UGT2A2: variants seen among roughly 807,000 people sequenced by gnomAD.
The protein encoded by UGT2A2 is UDP glucuronosyltransferase family 2 member A2, also known as UDP-glucuronosyltransferase 2A2.
A neutral mutation model predicts 50.7 loss-of-function variants in UGT2A2; 60 were observed. The observed-to-expected ratio is 1.18, with a 90% CI of 0.96 to 1.47. The LOEUF is 1.47. Among genes scored for constraint, UGT2A2 ranks in the 40% most tolerant of loss-of-function variants. The pLI, the probability that UGT2A2 is intolerant of heterozygous loss-of-function variation, is 0.00. For missense variants in UGT2A2, 762 were observed against 634.0 expected (o/e 1.20, Z -2.17); for synonymous variants, 242 against 214.6 (o/e 1.13, Z -1.11).
At chr4:69,626,362 A>AT (rs1406545789) in intron 1 of UGT2A2, among the ~76,000 whole-genome samples, 2 of 151,646 alleles carry the variant, frequency 1.3e-5, no homozygotes, top group African/African-American at 4.8e-5. Flanking sequence ...CAAAAAAAAA[A>AT]CTATATACAT....
chr4:69,595,205 G>A lies in UGT2A2; in HGVS notation c.1068C>T (p.Asn356=), dbSNP rs541627076. 55 of 1,613,668 alleles carry A rather than the reference G, an allele frequency of 3.4e-5. No individual in the cohort carries two copies. In the Admixed American group the frequency reaches 9.0e-4, roughly 26 times the overall value. The change falls in exon 4 of 6, where the codon AAC becomes AAT. Residue 356 remains asparagine (N), a synonymous_variant. Transcript: ENST00000604629. ...YKGKKPATLG[N]NTQLFDWIPQ... Reference sequence around the variant, plus strand: ...GTATCCAATCAAAGAGCTGAGTATTGTTTCCTAATGTGGCTGGTTTCTTTC... The same window carrying A: ...GTATCCAATCAAAGAGCTGAGTATTATTTCCTAATGTGGCTGGTTTCTTTC...
intron 1 of UGT2A2, among the ~76,000 whole-genome samples, chr4:69,631,270 A>G (rs1021095318): frequency 6.6e-6 from 1 of 151,916 alleles, no homozygotes; most frequent in African/African-American, 2.4e-5. Context: ...CTATCTTCCC[A>G]TATTTTTTCA....
chr4:69,629,334 C>CA (rs921668542), intron 1 of UGT2A2, among the ~76,000 whole-genome samples: 25 of 152,034 alleles, frequency 1.6e-4, no homozygotes, highest in African/African-American at 6.0e-4. Context: ...TGTACATTCC[C>CA]AAAAAAGACT....
rs761341330 is a variant in UGT2A2 at position 69,606,286 on chromosome 4, C to T, written c.743-6892G>A. ...GGGTCAACATACGCAAATCAACAAA[C>T]GTAATCCAGCATATAAACAGAACCA... On this transcript the variant is annotated intron_variant, in intron 1 of 5. Transcript: ENST00000604629. Among the ~76,000 whole-genome samples the T allele has an allele frequency of 2.9e-5, 4 of 136,244 alleles. 1 individual carries two copies. The highest frequency in any genetic ancestry group is 8.9e-5 in the African/African-American group (3 of 33,532). 89.4% of individuals were successfully genotyped at this position (136,244 alleles called of 152,430 possible).
At chr4:69,618,707 T>C (rs748765395) in intron 1 of UGT2A2, among the ~76,000 whole-genome samples, 12 of 152,104 alleles carry the variant, frequency 7.9e-5, no homozygotes, top group Non-Finnish European at 1.2e-4. Flanking sequence ...AATTCTAAGT[T>C]CAATCAATTC....
chr4:69,590,442 G>A (rs553178834), intron 5 of UGT2A2, among the ~76,000 whole-genome samples: 1 of 152,256 alleles, frequency 6.6e-6, no homozygotes, highest in South Asian at 2.1e-4. Flanking sequence ...AAAATTAGTA[G>A]GTTTCATTTT....
intron 1 of UGT2A2, among the ~76,000 whole-genome samples, chr4:69,600,660 C>G (rs746222392): frequency 8.6e-5 from 13 of 152,038 alleles, no homozygotes; most frequent in Non-Finnish European, 1.5e-4. Context: ...CTTATGGTCC[C>G]ATAGGCTGTA....
At chr4:69,601,567 A>G (rs1355589403) in intron 1 of UGT2A2, among the ~76,000 whole-genome samples, 2 of 152,142 alleles carry the variant, frequency 1.3e-5, no homozygotes, top group Admixed American at 6.6e-5. Context: ...GACCTCAGCT[A>G]TCACTATTAC....
Position 69,596,342 on chromosome 4 carries a change from C to T in UGT2A2, c.931G>A (p.Val311Ile). The T allele has an allele frequency of 2.5e-6, 4 of 1,605,734 alleles. No individual in the cohort carries two copies. Among genetic ancestry groups the T allele is most frequent in the Non-Finnish European group, 3.4e-6 (4 of 1,175,146 alleles). Residue 311 changes from valine (V) to isoleucine (I), a missense_variant, in exon 3 of 6, where the codon GTT (valine) becomes ATT (isoleucine). Transcript: ENST00000604629. ...ATTGATCCCAGAGAAAACACCACAA[C>T]ACCATTTTTACCTGAGCTCTGGATA... ...EFIQSSGKNG[V>I]VVFSLGSMVK...
At chr4:69,595,032 A>G (rs1372593326) in intron 4 of UGT2A2, 130 bp downstream of exon 4, 3 of 1,300,326 alleles carry the variant, frequency 2.3e-6, no homozygotes, top group Non-Finnish European at 2.1e-6. Context: ...ATGTAATTAT[A>G]TCTGCTTTAA....
intron 1 of UGT2A2, among the ~76,000 whole-genome samples, chr4:69,628,420 A>G (rs1721209920): frequency 2.0e-5 from 3 of 151,824 alleles, no homozygotes; most frequent in African/African-American, 7.3e-5. Flanking sequence ...AAGGGAACAA[A>G]ATGGAGAGTC....
chr4:69,633,972 G>A (rs1260750584), intron 1 of UGT2A2, among the ~76,000 whole-genome samples: 1 of 152,092 alleles, frequency 6.6e-6, no homozygotes, highest in Non-Finnish European at 1.5e-5. Flanking sequence ...CCGGCCGCGC[G>A]CGGTGGCTCA....
chr4:69,605,453 C>A (rs1170564307), intron 1 of UGT2A2, among the ~76,000 whole-genome samples: 1 of 136,568 alleles, frequency 7.3e-6, no homozygotes, highest in Non-Finnish European at 1.6e-5. Flanking sequence ...GCACTAAATG[C>A]CCACAGAACA....
chr4:69,633,661 A>G (rs1255579129), intron 1 of UGT2A2, among the ~76,000 whole-genome samples: 2 of 152,230 alleles, frequency 1.3e-5, no homozygotes, highest in Admixed American at 1.3e-4. Context: ...ACGAATTTCA[A>G]AAACATAATA....
In UGT2A2 at chr4:69,639,473, A is replaced by T; in HGVS notation, c.168T>A (p.Asn56Lys). ...ATGAAGCCAGTACAGTCACATTGTGATTTCTTTGAATCAACTCTTCTAGAA... is the reference window on the plus strand; with the variant it reads ...ATGAAGCCAGTACAGTCACATTGTGTTTTCTTTGAATCAACTCTTCTAGAA... ...KIILEELIQR[N>K]HNVTVLASSA... Residue 56 changes from asparagine (N) to lysine (K), a missense_variant, in exon 1 of 6, where the codon AAT becomes AAA. Asn to Lys is a moderately conservative substitution (Grantham distance 94, BLOSUM62 0). Transcript: ENST00000604629. 4 of 1,613,080 alleles carry T rather than the reference A, an allele frequency of 2.5e-6. No homozygotes were observed. Among genetic ancestry groups the T allele is most frequent in the Non-Finnish European group, 3.4e-6 (4 of 1,179,534 alleles).
intron 2 of UGT2A2, among the ~76,000 whole-genome samples, chr4:69,596,972 C>A (rs1718968136): frequency 1.3e-5 from 2 of 152,184 alleles, no homozygotes; most frequent in Admixed American, 1.3e-4. Context: ...GAAATTGTTA[C>A]CCCCAAGGCT....
At position 69,594,711 on chromosome 4, in the gene UGT2A2, G is replaced by A. The variant is rs1257981705; in HGVS notation, c.1112-15C>T. The A allele has an allele frequency of 6.2e-7, 1 of 1,608,252 alleles. No individual in the cohort carries two copies. Among genetic ancestry groups the A allele is most frequent in the Non-Finnish European group, 8.5e-7 (1 of 1,176,694 alleles). On this transcript the variant is annotated splice_polypyrimidine_tract_variant and intron_variant, in intron 4 of 5. Coordinates refer to ENST00000604629, the MANE Select transcript of UGT2A2 (RefSeq NM_001105677.2). ...TTTGGGATGTCCTAATTTGAGGATGGAGTGAGAAGTGGGTGTGTAATAATA... is the reference window on the plus strand; with the variant it reads ...TTTGGGATGTCCTAATTTGAGGATGAAGTGAGAAGTGGGTGTGTAATAATA...
chr4:69,594,498 C>G lies in UGT2A2; in HGVS notation c.1310G>C (p.Arg437Thr). 2 of 1,614,122 alleles carry G rather than the reference C, an allele frequency of 1.2e-6. No individual in the cohort carries two copies. The highest frequency in any genetic ancestry group is 1.7e-6 in the Non-Finnish European group (2 of 1,180,016). ...TTACGAAGGTTCATTAATGACTGTT[C>G]TCAAAGCGCTAAGCAAATCCACACT... ...MTSVDLLSAL[R>T]TVINEPSYKE... Residue 437 changes from arginine to threonine, a missense_variant, in exon 5 of 6, where the codon AGA (arginine) becomes ACA (threonine). Arg to Thr is a moderately conservative substitution (Grantham distance 71, BLOSUM62 -1). Coordinates refer to ENST00000604629, the MANE Select transcript of UGT2A2 (RefSeq NM_001105677.2).
At chr4:69,620,038 G>C (rs980769372) in intron 1 of UGT2A2, among the ~76,000 whole-genome samples, 11 of 151,962 alleles carry the variant, frequency 7.2e-5, no homozygotes, top group African/African-American at 2.7e-4. Context: ...ATACTGAATG[G>C]GGAAAAGCTG....
Sources: allele counts gnomAD v4.1 joint callset (sites outside exome capture counted in the v4.1 genomes callset), GRCh38; gene constraint gnomAD v4.1.1; transcripts MANE v1.5; gene names NCBI Gene and HGNC (gene_info 2026-07-23, HGNC 2026-07-21).